Variants in LARGE1 observed in about 807,000 individuals in gnomAD.
LARGE1 encodes the protein xylosyl- and glucuronyltransferase LARGE1.
In LARGE1, 43 loss-of-function variants were observed where a neutral mutation model predicts 87.6. The observed-to-expected ratio is 0.49, with a 90% confidence interval of 0.38 to 0.63. The LOEUF is 0.63. Ranked by LOEUF, LARGE1 falls within the 30% of genes least tolerant of loss-of-function variation. The probability of loss-of-function intolerance (pLI) is 0.00; values close to 1 mark genes in which losing one functional copy is unlikely to be tolerated. For synonymous variants in LARGE1, 434 were observed against 394.6 expected (o/e 1.10, Z -1.18); for missense variants, 802 against 1,000.2 (o/e 0.80, Z 2.67).
At chr22:33,781,596 T>A (rs1008316570) in intron 1 of LARGE1, among the ~76,000 whole-genome samples, 6 of 152,156 alleles carry the variant, frequency 3.9e-5, no homozygotes, top group Non-Finnish European at 8.8e-5. Flanking sequence ...CAAGGCAGCT[T>A]CCAGCTGTGA....
chr22:33,587,703 A>G (rs1271950114), intron 5 of LARGE1, among the ~76,000 whole-genome samples: 1 of 150,488 alleles, frequency 6.6e-6, no homozygotes, highest in African/African-American at 2.5e-5. Context: ...TTCCATTGCA[A>G]TTAATCAAAT....
At chr22:33,223,953 C>T (rs901885984) in intron 11 of LARGE1, among the ~76,000 whole-genome samples, 1 of 152,204 alleles carries the variant, frequency 6.6e-6, no homozygotes, top group African/African-American at 2.4e-5. Flanking sequence ...TCACAGCCAC[C>T]TCTATGCCCC....
At chr22:33,180,734 T>C (rs1377929306) in intron 11 of LARGE1, among the ~76,000 whole-genome samples, 1 of 152,240 alleles carries the variant, frequency 6.6e-6, no homozygotes, top group Non-Finnish European at 1.5e-5. Context: ...AGAATGTTAT[T>C]TGGCAATTAA....
chr22:33,407,855 A>G (rs960086679), intron 7 of LARGE1, among the ~76,000 whole-genome samples: 8 of 152,198 alleles, frequency 5.3e-5, no homozygotes, highest in African/African-American at 1.9e-4. Flanking sequence ...GCAGCTGTCA[A>G]TCTAAATAAT....
chr22:33,457,516 G>A (rs1033726877), intron 6 of LARGE1, among the ~76,000 whole-genome samples: 2 of 151,496 alleles, frequency 1.3e-5, no homozygotes, highest in African/African-American at 4.9e-5. Context: ...ATAAAGGATA[G>A]TCCTTATTAA....
chr22:33,789,316 C>T (rs375001758), intron 1 of LARGE1, among the ~76,000 whole-genome samples: 4 of 152,200 alleles, frequency 2.6e-5, no homozygotes, highest in African/African-American at 9.7e-5. Context: ...GATTTGGGAA[C>T]CCCTGCCTGG....
At chr22:33,073,644 G>T in the LARGE1 span, among the ~76,000 whole-genome samples, 2 of 151,848 alleles carry the variant, frequency 1.3e-5, no homozygotes, top group Non-Finnish European at 2.9e-5. Context: ...ATTCCTTTTG[G>T]ATCTCTGAGC....
intron 3 of LARGE1, among the ~76,000 whole-genome samples, chr22:33,627,714 A>T (rs1432446388): frequency 6.6e-6 from 1 of 151,996 alleles, no homozygotes; most frequent in Non-Finnish European, 1.5e-5. Context: ...GCCATCAGGG[A>T]TGAACCATCC....
the LARGE1 span, among the ~76,000 whole-genome samples, chr22:33,118,702 T>C: frequency 6.6e-6 from 1 of 152,100 alleles, no homozygotes; most frequent in Non-Finnish European, 1.5e-5. Context: ...AAGAAACAGG[T>C]CTAATCTTGG....
At chr22:33,464,706 A>G (rs1246164708) in intron 6 of LARGE1, among the ~76,000 whole-genome samples, 2 of 152,236 alleles carry the variant, frequency 1.3e-5, no homozygotes, top group African/African-American at 4.8e-5. Context: ...ACAATAATGA[A>G]TAAGAACTGG....
At chr22:33,198,676 C>CACACACATAT (rs60375534) in intron 11 of LARGE1, among the ~76,000 whole-genome samples, 4,885 of 148,480 alleles carry the variant, frequency 0.033, 132 homozygotes, top group Middle Eastern at 0.068. Context: ...CACACACACA[C>CACACACATAT]GTATCTAAAA....
chr22:33,382,375 C>T (rs948280667), intron 8 of LARGE1, among the ~76,000 whole-genome samples: 5 of 152,154 alleles, frequency 3.3e-5, no homozygotes, highest in African/African-American at 1.2e-4. Context: ...GTCTCCTTCC[C>T]CTCTGGCCTC....
At chr22:33,674,446 G>A (rs1306047101) in intron 2 of LARGE1, among the ~76,000 whole-genome samples, 2 of 152,190 alleles carry the variant, frequency 1.3e-5, no homozygotes, top group East Asian at 3.9e-4. Flanking sequence ...AGCGGGAGCT[G>A]TTCAAAATGC....
intron 11 of LARGE1, among the ~76,000 whole-genome samples, chr22:33,250,619 T>A (rs1011311774): frequency 7.2e-5 from 11 of 152,232 alleles, no homozygotes; most frequent in African/African-American, 2.2e-4. Flanking sequence ...TTCTCACCAC[T>A]ACGTGTGATA....
At chr22:33,507,525 A>T (rs2070823168) in intron 6 of LARGE1, among the ~76,000 whole-genome samples, 2 of 152,112 alleles carry the variant, frequency 1.3e-5, no homozygotes, top group Non-Finnish European at 1.5e-5. Context: ...CAGAAAGGAG[A>T]CTGGTGGCTA....
intron 9 of LARGE1, among the ~76,000 whole-genome samples, chr22:33,369,734 A>C (rs958378920): frequency 1.5e-4 from 23 of 152,008 alleles, no homozygotes; most frequent in African/African-American, 5.6e-4. Context: ...ACACCCGGCT[A>C]ATTTTTATAT....
chr22:33,093,822 C>CTTT, the LARGE1 span, among the ~76,000 whole-genome samples: 205 of 81,212 alleles, frequency 2.5e-3, no homozygotes, highest in Non-Finnish European at 3.3e-3. Flanking sequence ...TTCTTTCTTT[C>CTTT]TTTTTTTTTT....
chr22:33,296,840 A>T (rs1264476379), intron 12 of LARGE1, among the ~76,000 whole-genome samples: 1 of 152,158 alleles, frequency 6.6e-6, no homozygotes, highest in Non-Finnish European at 1.5e-5. Context: ...AAGTGCTGGG[A>T]CTACAGGTAT....
At chr22:33,113,205 CTTTTT>C in the LARGE1 span, among the ~76,000 whole-genome samples, 1 of 127,410 alleles carries the variant, frequency 7.8e-6, no homozygotes, top group Non-Finnish European at 1.6e-5. Context: ...ACTTAATTAT[CTTTTT>C]TTTTTTTTTT....
Sources: allele counts gnomAD v4.1 joint callset (sites outside exome capture counted in the v4.1 genomes callset), GRCh38; gene constraint gnomAD v4.1.1; transcripts MANE v1.5; gene names NCBI Gene and HGNC (gene_info 2026-07-23, HGNC 2026-07-21).